ELAVL2: variants seen among roughly 807,000 people sequenced by gnomAD.
ELAVL2 encodes the protein ELAV-like protein 2.
Under a neutral mutation model 34.6 loss-of-function variants are expected in ELAVL2, and 4 were observed. The observed-to-expected ratio is 0.12, with a 90% confidence interval of 0.06 to 0.26. ELAVL2 has a LOEUF of 0.26. Among genes scored for constraint, ELAVL2 ranks in the 10% least tolerant of loss-of-function variants. ELAVL2 has a pLI of 1.00. For missense variants in ELAVL2, 432 were observed against 442.8 expected (o/e 0.98, Z 0.22); for synonymous variants, 193 against 154.8 (o/e 1.25, Z -1.83).
chr9:23,799,157 T>A (rs1306596702), intron 1 of ELAVL2, among the ~76,000 whole-genome samples: 1 of 152,144 alleles, frequency 6.6e-6, no homozygotes, highest in Admixed American at 6.5e-5. Flanking sequence ...ACAGAAGCTT[T>A]TTAAAATTTT....
In ELAVL2 at chr9:23,722,458, G is replaced by A. The variant is rs1046110317; in HGVS notation, c.333+8564C>T. On this transcript the variant is annotated intron_variant, in intron 3 of 6. Coordinates refer to ENST00000397312, the MANE Select transcript of ELAVL2 (RefSeq NM_004432.5). ...CAAACTGTACGTCTGGCTGTCTCAA[G>A]TGCTCACTCTGCAAGAGGGCAGAGT... 9.9e-5 allele frequency among the ~76,000 whole-genome samples: 15 copies of A among 152,280 alleles called. No individual in the cohort carries two copies. The South Asian group carries it at 2.3e-3, about 23-fold the overall frequency.
intron 2 of ELAVL2, among the ~76,000 whole-genome samples, chr9:23,740,313 T>C (rs1228104670): frequency 1.3e-5 from 2 of 152,210 alleles, no homozygotes; most frequent in Admixed American, 1.3e-4. Context: ...TGTAAATACA[T>C]CTGTATCCAT....
At chr9:23,793,231 T>G (rs2060526989) in intron 1 of ELAVL2, among the ~76,000 whole-genome samples, 1 of 152,216 alleles carries the variant, frequency 6.6e-6, no homozygotes, top group Admixed American at 6.5e-5. Flanking sequence ...CCTCAACTGC[T>G]GCTCTGCCAC....
At chr9:23,703,589 G>C (rs1229588378) in intron 4 of ELAVL2, among the ~76,000 whole-genome samples, 4 of 152,126 alleles carry the variant, frequency 2.6e-5, no homozygotes, top group African/African-American at 9.7e-5. Flanking sequence ...CAACACAGAG[G>C]CAGGTAATAT....
At chr9:23,751,079 A>C (rs770570370) in intron 2 of ELAVL2, among the ~76,000 whole-genome samples, 1 of 152,148 alleles carries the variant, frequency 6.6e-6, no homozygotes, top group Non-Finnish European at 1.5e-5. Flanking sequence ...CAAGGTAATA[A>C]ACATTCAAGT....
At position 23,690,419 on chromosome 9, in the gene ELAVL2, G is replaced by A. The variant is rs2032789806; in HGVS notation, c.*2138C>T. 2 of 152,338 alleles carry A rather than the reference G, an allele frequency of 1.3e-5. No individual in the cohort carries two copies. Among genetic ancestry groups the A allele is most frequent in the South Asian group, 4.1e-4 (2 of 4,822 alleles). 9.4% of individuals were successfully genotyped at this position (152,338 alleles called of 1,614,324 possible). A position where few individuals can be genotyped will look rare whatever the true frequency, so the allele number is the denominator to read the frequency against. On this transcript the variant is annotated 3_prime_UTR_variant, in exon 7 of 7. Coordinates refer to ENST00000397312, the MANE Select transcript of ELAVL2 (RefSeq NM_004432.5). ...GGGAAACCTTATTATTTTTTTTTAA[G>A]TATATACATGTATTTTATTTTTTAG...
chr9:23,720,472 A>T (rs938476539), intron 3 of ELAVL2, among the ~76,000 whole-genome samples: 8 of 152,078 alleles, frequency 5.3e-5, no homozygotes, highest in African/African-American at 1.9e-4. Flanking sequence ...TGGCCAAGAC[A>T]CCCATTTTAA....
At chr9:23,711,204 T>TAA (rs1218359474) in intron 3 of ELAVL2, among the ~76,000 whole-genome samples, 1 of 152,184 alleles carries the variant, frequency 6.6e-6, no homozygotes, top group African/African-American at 2.4e-5. Context: ...TAAAAGGTAT[T>TAA]AAAGGTTAGG....
intron 1 of ELAVL2, among the ~76,000 whole-genome samples, chr9:23,766,929 A>G (rs1220722552): frequency 1.3e-5 from 2 of 152,210 alleles, no homozygotes; most frequent in Non-Finnish European, 2.9e-5. Flanking sequence ...AGTGAAACAG[A>G]GCCATTAATT....
At chr9:23,717,054 A>C (rs1473839321) in intron 3 of ELAVL2, among the ~76,000 whole-genome samples, 2 of 152,222 alleles carry the variant, frequency 1.3e-5, no homozygotes, top group Non-Finnish European at 2.9e-5. Context: ...GCAGGTGAGG[A>C]GAACAGTCAA....
intron 3 of ELAVL2, among the ~76,000 whole-genome samples, chr9:23,705,806 T>A (rs1346814622): frequency 1.1e-4 from 16 of 152,136 alleles, no homozygotes; most frequent in Non-Finnish European, 1.8e-4. Flanking sequence ...TGTGCACTGG[T>A]TCCTAACAGG....
chr9:23,830,626 C>CACACACACACACACACACCTTT (rs1491521757), upstream of ELAVL2, among the ~76,000 whole-genome samples: 3 of 72,550 alleles, frequency 4.1e-5, no homozygotes, highest in Non-Finnish European at 9.9e-5. Flanking sequence ...ACACACACAC[C>CACACACACACACACACACCTTT]TTTTTTTTTT....
intron 1 of ELAVL2, among the ~76,000 whole-genome samples, chr9:23,808,885 C>T (rs192073504): frequency 4.6e-5 from 7 of 152,206 alleles, no homozygotes; most frequent in African/African-American, 1.7e-4. Context: ...TCTCTTAATG[C>T]TTCTGAATTC....
chr9:23,767,971 G>T (rs2056627513), intron 1 of ELAVL2, among the ~76,000 whole-genome samples: 1 of 152,080 alleles, frequency 6.6e-6, no homozygotes, highest in South Asian at 2.1e-4. Context: ...TGCGCCTGTT[G>T]CTCCAGCCAC....
intron 2 of ELAVL2, among the ~76,000 whole-genome samples, chr9:23,732,602 G>A (rs61638946): frequency 0.016 from 2,492 of 152,176 alleles, 56 homozygotes; most frequent in East Asian, 0.12. Flanking sequence ...CATGCATTGT[G>A]CCCCTCTTAT....
chr9:23,817,959 C>T (rs1049875954), intron 1 of ELAVL2, among the ~76,000 whole-genome samples: 5 of 152,204 alleles, frequency 3.3e-5, no homozygotes, highest in African/African-American at 1.2e-4. Context: ...GGCAAATTTA[C>T]GTTATGTGAA....
intron 3 of ELAVL2, among the ~76,000 whole-genome samples, chr9:23,709,265 T>C (rs2133568849): frequency 6.6e-6 from 1 of 152,232 alleles, no homozygotes; most frequent in African/African-American, 2.4e-5. Context: ...TGGAAAACAT[T>C]TCTTCTTTCA....
intron 2 of ELAVL2, among the ~76,000 whole-genome samples, chr9:23,757,150 C>T (rs1232908579): frequency 1.3e-5 from 2 of 152,136 alleles, no homozygotes; most frequent in East Asian, 3.9e-4. Context: ...TCTAGAGAAG[C>T]ACAGATGTTC....
At chr9:23,739,555 CCACACA>C in intron 2 of ELAVL2, among the ~76,000 whole-genome samples, 1 of 151,990 alleles carries the variant, frequency 6.6e-6, no homozygotes, top group Non-Finnish European at 1.5e-5. Context: ...ACCCCCACCC[CCACACA>C]CACTAACAGT....
Sources: gnomAD v4.1 joint callset for allele counts (sites outside exome capture counted in the v4.1 genomes callset) on GRCh38, gnomAD v4.1.1 for gene constraint, MANE v1.5 for transcripts, NCBI Gene and HGNC (gene_info 2026-07-23, HGNC 2026-07-21) for gene names.